The following PIGN variants were observed in gnomAD, a reference collection of about 807,000 sequenced individuals.
PIGN encodes phosphatidylinositol glycan anchor biosynthesis class N.
A neutral mutation model predicts 125.4 loss-of-function variants in PIGN; 117 were observed. The observed-to-expected ratio is 0.93, with a 90% CI of 0.80 to 1.09. The LOEUF (loss-of-function observed/expected upper bound fraction) is 1.09. Ranked by LOEUF, PIGN falls within the 50% of genes least tolerant of loss-of-function variation. The probability of loss-of-function intolerance (pLI) is 0.00; values close to 1 mark genes in which losing one functional copy is unlikely to be tolerated. For missense variants in PIGN, 1,075 were observed against 1,094.9 expected, an observed-to-expected ratio of 0.98 and a Z score of 0.26; for synonymous variants, 392 against 377.8, an observed-to-expected ratio of 1.04 and a Z score of -0.44.
At position 62,041,640 on chromosome 18, in the gene PIGN, G is replaced by GGTGTGGGTGTGTGTGTGT. The variant is rs2030377579; in HGVS notation, c.*4215_*4216insACACACACACACCCACAC. On this transcript the variant is annotated 3_prime_UTR_variant, in exon 31 of 31. Transcript: ENST00000640252. Reference sequence around the variant, plus strand: ...ATTACAGGAGCCTACCACCCCGCCGGGTGTGTGTGTGTGTGTGTGTGTGTG... The same window carrying GGTGTGGGTGTGTGTGTGT: ...ATTACAGGAGCCTACCACCCCGCCGGGTGTGGGTGTGTGTGTGTGTGTGTGTGTGTGTGTGTGTGTGTG... 2 of 77,470 alleles carry GGTGTGGGTGTGTGTGTGT rather than the reference G, an allele frequency of 2.6e-5. No homozygotes were observed. Among genetic ancestry groups the GGTGTGGGTGTGTGTGTGT allele is most frequent in the Non-Finnish European group, 4.9e-5 (2 of 40,880 alleles). 4.8% of individuals were successfully genotyped at this position (77,470 alleles called of 1,614,324 possible). A position where few individuals can be genotyped will look rare whatever the true frequency, so the allele number is the denominator to read the frequency against.
chr18:62,090,601 A>G, intron 23 of PIGN, 23 bp from the exon 24 acceptor site: 1 of 1,400,594 alleles, frequency 7.1e-7, no homozygotes. Flanking sequence ...GAAAGGTAGA[A>G]ATGAAAAGAA....
chr18:62,161,004 C>T, intron 4 of PIGN, 129 bp downstream of exon 4: 1 of 586,946 alleles, frequency 1.7e-6, no homozygotes, highest in Non-Finnish European at 3.0e-6. Flanking sequence ...GGCAAATGTA[C>T]AAGTGCCCTA....
At chr18:62,101,608 T>C (rs2034440280) in intron 21 of PIGN, among the ~76,000 whole-genome samples, 1 of 152,222 alleles carries the variant, frequency 6.6e-6, no homozygotes, top group Non-Finnish European at 1.5e-5. Flanking sequence ...CAAAAAATTC[T>C]TCTCTTTTTA....
In PIGN at chr18:62,119,920, G is replaced by A. The variant is rs370406190; in HGVS notation, c.1173-5281C>T. Among the ~76,000 whole-genome samples, 338 of 151,958 alleles carry A rather than the reference G, an allele frequency of 2.2e-3. 3 individuals are homozygous for A. The highest frequency in any genetic ancestry group is 8.0e-3 in the African/African-American group (331 of 41,494). ...TTGCCTGAAGCTTGAAGAGCAAAAA[G>A]ACAGAAAAATACTAAAAAGATTATA... On this transcript the variant is annotated intron_variant, in intron 14 of 30. Coordinates refer to ENST00000640252, the MANE Select transcript of PIGN (RefSeq NM_176787.5).
At chr18:62,177,916 TC>T (rs1459028055) in intron 1 of PIGN, among the ~76,000 whole-genome samples, 1 of 152,174 alleles carries the variant, frequency 6.6e-6, no homozygotes, top group African/African-American at 2.4e-5. Flanking sequence ...CACCTACACT[TC>T]TGCCTTAGCC....
chr18:62,157,266 T>C (rs954889303), intron 5 of PIGN, 39 bp from the exon 6 acceptor site: 3 of 1,009,390 alleles, frequency 3.0e-6, no homozygotes, highest in Non-Finnish European at 3.1e-6. Flanking sequence ...TATATACACA[T>C]GGTACAATAA....
chr18:62,126,325 T>C (rs1408701189), intron 14 of PIGN, among the ~76,000 whole-genome samples: 2 of 152,160 alleles, frequency 1.3e-5, no homozygotes, highest in Non-Finnish European at 2.9e-5. Context: ...CATGAATTCA[T>C]GGTAAACACT....
In PIGN at chr18:62,074,798, A is replaced by G. The variant is rs745844688; in HGVS notation, c.2600T>C (p.Ile867Thr). The G allele has an allele frequency of 1.8e-5, 29 of 1,606,008 alleles. No individual in the cohort carries two copies. The South Asian group carries it at 2.9e-4, about 16-fold the overall frequency. The change falls in exon 29 of 31, where the codon ATA becomes ACA. Residue 867 changes from isoleucine to threonine, a missense_variant. Ile to Thr is a moderately conservative substitution (Grantham distance 89). This residue lies in a region of PIGN where 915 missense variants were observed against 908.7 expected (regional missense o/e 1.01). Transcript: ENST00000640252. ...SKSLFLIVLV[I>T]SDIMALHFFF... ...CCTTACCAAAGCCATAATGTCTGAT[A>G]TGACGAGAACAATGAGAAAAAGGCT...
At chr18:62,139,320 G>C (rs937066875) in intron 12 of PIGN, among the ~76,000 whole-genome samples, 2 of 152,230 alleles carry the variant, frequency 1.3e-5, no homozygotes, top group Non-Finnish European at 2.9e-5. Flanking sequence ...GGCATTGGCT[G>C]AGAGATAACT....
At chr18:62,178,026 G>A (rs182583626) in intron 1 of PIGN, among the ~76,000 whole-genome samples, 296 of 152,086 alleles carry the variant, frequency 1.9e-3, no homozygotes, top group Middle Eastern at 3.4e-3. Context: ...TAATTTTTGC[G>A]GGGGATAAAG....
intron 23 of PIGN, among the ~76,000 whole-genome samples, chr18:62,023,727 A>T (rs1036021645): frequency 6.6e-6 from 1 of 152,210 alleles, no homozygotes; most frequent in African/African-American, 2.4e-5. Context: ...GAAATGTCAC[A>T]TGGGAGACAA....
intron 22 of PIGN, among the ~76,000 whole-genome samples, chr18:62,099,525 A>G (rs2034353034): frequency 1.3e-5 from 2 of 152,150 alleles, no homozygotes; most frequent in South Asian, 4.1e-4. Flanking sequence ...ACAAAGCTGG[A>G]GGCATCATGA....
intron 20 of PIGN, among the ~76,000 whole-genome samples, chr18:62,104,012 T>C (rs1310102866): frequency 1.3e-5 from 2 of 152,170 alleles, no homozygotes; most frequent in Non-Finnish European, 2.9e-5. Flanking sequence ...TTTCCTTTAA[T>C]TGTATCCTTA....
In PIGN at chr18:62,105,641, TCAA is replaced by T; in HGVS notation, c.1768-10_1768-8del. Reference sequence around the variant, plus strand: ...TCCAACTCAGTGAGGTCATCTAAAATCAAGAAAAAAGTTATCTTTAGACAAATA... The same window carrying T: ...TCCAACTCAGTGAGGTCATCTAAAATGAAAAAAGTTATCTTTAGACAAATA... On this transcript the variant is annotated splice_polypyrimidine_tract_variant and splice_region_variant and intron_variant, in intron 19 of 30. Coordinates refer to ENST00000640252, the MANE Select transcript of PIGN (RefSeq NM_176787.5). The T allele has an allele frequency of 6.6e-7, 1 of 1,521,540 alleles. No individual in the cohort carries two copies. Among genetic ancestry groups the T allele is most frequent in the Non-Finnish European group, 8.9e-7 (1 of 1,126,482 alleles). 94.3% of individuals were successfully genotyped at this position (1,521,540 alleles called of 1,614,324 possible).
rs2030535670 is a variant in PIGN, at chr18:62,044,701, T to C, written c.*1155A>G. On this transcript the variant is annotated 3_prime_UTR_variant, in exon 31 of 31. Coordinates refer to ENST00000640252, the MANE Select transcript of PIGN (RefSeq NM_176787.5). Reference sequence around the variant, plus strand: ...ACAGAGGGTTTCCTAGTCATTAACATGAATTAGTAATGCTATAACTTAATT... The same window carrying C: ...ACAGAGGGTTTCCTAGTCATTAACACGAATTAGTAATGCTATAACTTAATT... 6.6e-6 allele frequency: 1 copy of C among 152,212 alleles called. No individual in the cohort carries two copies. The highest frequency in any genetic ancestry group is 2.4e-5 in the African/African-American group (1 of 41,452). The allele number at this position is 152,212 out of a possible 1,614,324, so 9.4% of individuals were successfully genotyped here.
chr18:62,021,411 G>A (rs915055073), intron 23 of PIGN, among the ~76,000 whole-genome samples: 5 of 152,204 alleles, frequency 3.3e-5, no homozygotes, highest in African/African-American at 1.2e-4. Context: ...CTGGGTCAGA[G>A]ACAAAAGACA....
chr18:62,053,531 G>A (rs1568120528), intron 30 of PIGN, among the ~76,000 whole-genome samples: 1 of 152,136 alleles, frequency 6.6e-6, no homozygotes, highest in Non-Finnish European at 1.5e-5. Context: ...ACATGACCGT[G>A]ACCAAACCAC....
chr18:62,138,367 C>T (rs987673862), intron 13 of PIGN, 69 bp from the exon 14 acceptor site: 26 of 1,485,464 alleles, frequency 1.8e-5, no homozygotes, highest in Admixed American at 2.5e-5. Flanking sequence ...TATAAACATC[C>T]ATTAAAATGA....
intron 23 of PIGN, among the ~76,000 whole-genome samples, chr18:62,026,888 G>C (rs1302021513): frequency 3.3e-5 from 5 of 152,184 alleles, no homozygotes; most frequent in South Asian, 2.1e-4. Flanking sequence ...TGTTTCCTTT[G>C]AGGGACAAGC....
Sources: gnomAD v4.1 joint callset for allele counts (sites outside exome capture counted in the v4.1 genomes callset) on GRCh38, gnomAD v4.1.1 for gene constraint, gnomAD v4.1.1 regional missense constraint, MANE v1.5 for transcripts, NCBI Gene and HGNC (gene_info 2026-07-23, HGNC 2026-07-21) for gene names.